INIP: variants seen among roughly 807,000 people sequenced by gnomAD.
INIP encodes INTS3 and NABP interacting protein.
In INIP, 9 loss-of-function variants were observed where a neutral mutation model predicts 14.0. The ratio of observed to expected loss-of-function variants is 0.64; its 90% CI spans 0.39 to 1.12. The LOEUF (loss-of-function observed/expected upper bound fraction) is 1.12, where lower values mean the gene tolerates loss of function less well. INIP is among the 50% of genes most tolerant of loss of function. INIP has a pLI of 0.01. For missense variants in INIP, 78 were observed against 122.7 expected (o/e 0.64, Z 1.72); for synonymous variants, 37 against 41.5 (o/e 0.89, Z 0.41).
At chr9:112,717,527 TA>T (rs58903292) in intron 1 of INIP, among the ~76,000 whole-genome samples, 3,118 of 138,144 alleles carry the variant, frequency 0.023, 92 homozygotes, top group African/African-American at 0.066. Flanking sequence ...TACTATTAAT[TA>T]AAAAAAAAAA....
At chr9:112,707,983 A>G (rs1838532345) in intron 2 of INIP, among the ~76,000 whole-genome samples, 1 of 152,246 alleles carries the variant, frequency 6.6e-6, no homozygotes, top group Non-Finnish European at 1.5e-5. Context: ...TATCACATAC[A>G]GGCACAAAGT....
intron 2 of INIP, among the ~76,000 whole-genome samples, chr9:112,706,828 T>C (rs1029489672): frequency 6.6e-6 from 1 of 152,258 alleles, no homozygotes; most frequent in East Asian, 1.9e-4. Flanking sequence ...CTGGTCTTGA[T>C]GGCCTCAAGT....
chr9:112,702,098 A>AT (rs1348163495), intron 2 of INIP, among the ~76,000 whole-genome samples: 2 of 152,154 alleles, frequency 1.3e-5, no homozygotes, highest in African/African-American at 2.4e-5. Flanking sequence ...ACACACACAC[A>AT]TAATTCTTGA....
At chr9:112,698,303 C>CAAAAAAAAAAAAA in intron 2 of INIP, among the ~76,000 whole-genome samples, 1 of 43,674 alleles carries the variant, frequency 2.3e-5, no homozygotes, top group Admixed American at 2.9e-4. Flanking sequence ...GACTCTGTCT[C>CAAAAAAAAAAAAA]AAAAAAAAAA....
At chr9:112,708,209 C>T (rs867162704) in intron 2 of INIP, among the ~76,000 whole-genome samples, 16 of 152,088 alleles carry the variant, frequency 1.1e-4, no homozygotes, top group African/African-American at 3.9e-4. Context: ...CTTGACCTAG[C>T]GTGAAAGCGG....
chr9:112,710,918 T>A (rs1838626727), intron 2 of INIP, among the ~76,000 whole-genome samples: 1 of 151,948 alleles, frequency 6.6e-6, no homozygotes, highest in Admixed American at 6.6e-5. Flanking sequence ...CACTTGTAAT[T>A]CCAATGCTTT....
chr9:112,699,431 C>A (rs1838213178), intron 2 of INIP, among the ~76,000 whole-genome samples: 1 of 152,072 alleles, frequency 6.6e-6, no homozygotes, highest in Non-Finnish European at 1.5e-5. Flanking sequence ...AACCACAGTA[C>A]AAAAATAGGC....
At chr9:112,704,143 A>C (rs1838384225) in intron 2 of INIP, among the ~76,000 whole-genome samples, 1 of 152,228 alleles carries the variant, frequency 6.6e-6, no homozygotes, top group Non-Finnish European at 1.5e-5. Flanking sequence ...TTCCAAAAAA[A>C]GTAGGTCACA....
At chr9:112,702,115 A>G (rs1838317885) in intron 2 of INIP, among the ~76,000 whole-genome samples, 1 of 152,130 alleles carries the variant, frequency 6.6e-6, no homozygotes, top group South Asian at 2.1e-4. Flanking sequence ...TTGAAAAGCA[A>G]ATTTTAAACT....
At chr9:112,703,478 G>A (rs898621162) in intron 2 of INIP, among the ~76,000 whole-genome samples, 1 of 152,104 alleles carries the variant, frequency 6.6e-6, no homozygotes, top group African/African-American at 2.4e-5. Context: ...CAGCACTTTC[G>A]GAGGCTGAAG....
intron 2 of INIP, among the ~76,000 whole-genome samples, chr9:112,716,245 G>A (rs1838811348): frequency 1.3e-5 from 2 of 151,864 alleles, no homozygotes; most frequent in African/African-American, 4.8e-5. Flanking sequence ...GCTAATTTTT[G>A]TATTTTAGTA....
At position 112,686,125 on chromosome 9, in the gene INIP, T is replaced by A. The variant is rs1035298016; in HGVS notation, c.*1413A>T. The A allele has an allele frequency of 2.0e-5, 3 of 152,126 alleles. No homozygotes were observed. Among genetic ancestry groups the A allele is most frequent in the Non-Finnish European group, 2.9e-5 (2 of 68,012 alleles). The allele number at this position is 152,126 out of a possible 1,614,324, so 9.4% of individuals were successfully genotyped here. On this transcript the variant is annotated 3_prime_UTR_variant, in exon 5 of 5. Transcript: ENST00000374242. The stretch of plus-strand genomic sequence containing the variant: ...GAGAGGATGGGACTCAAGGCCAAGA[T>A]AAGGTCAGTTACAAAAAGTTATATA...
At chr9:112,691,048 C>T (rs896834046) in intron 3 of INIP, among the ~76,000 whole-genome samples, 1 of 152,192 alleles carries the variant, frequency 6.6e-6, no homozygotes, top group Admixed American at 6.5e-5. Context: ...TGTTATATTT[C>T]TGTTACTTCC....
chr9:112,692,470 A>G (rs897838572), intron 3 of INIP, among the ~76,000 whole-genome samples: 1 of 152,006 alleles, frequency 6.6e-6, no homozygotes, highest in South Asian at 2.1e-4. Flanking sequence ...TTTTTTGTAG[A>G]GATGGGTCTT....
chr9:112,688,381 G>A (rs1406071720), intron 4 of INIP, among the ~76,000 whole-genome samples: 2 of 152,034 alleles, frequency 1.3e-5, no homozygotes, highest in Non-Finnish European at 2.9e-5. Flanking sequence ...TAGTTGGAAG[G>A]AGAGGGGGGA....
intron 3 of INIP, among the ~76,000 whole-genome samples, chr9:112,692,298 T>C (rs1258510153): frequency 6.6e-6 from 1 of 152,142 alleles, no homozygotes; most frequent in Non-Finnish European, 1.5e-5. Flanking sequence ...CTTTTTTGTT[T>C]GTTTGTTTTA....
chr9:112,695,349 C>T (rs1161604914), intron 2 of INIP, among the ~76,000 whole-genome samples: 1 of 151,248 alleles, frequency 6.6e-6, no homozygotes, highest in African/African-American at 2.4e-5. Flanking sequence ...AGCACATTTT[C>T]CAAGCAGAGC....
chr9:112,695,259 A>G (rs74513740), intron 2 of INIP, among the ~76,000 whole-genome samples: 1 of 151,032 alleles, frequency 6.6e-6, no homozygotes, highest in Non-Finnish European at 1.5e-5. Flanking sequence ...ACTACAGAAA[A>G]AAAAAAAAAA....
At chr9:112,690,187 T>G (rs1837831659) in intron 3 of INIP, among the ~76,000 whole-genome samples, 1 of 152,088 alleles carries the variant, frequency 6.6e-6, no homozygotes, top group African/African-American at 2.4e-5. Context: ...GGGAGTGACA[T>G]GATCAGAAGT....
Sources: gnomAD v4.1 joint callset for allele counts (sites outside exome capture counted in the v4.1 genomes callset) on GRCh38, gnomAD v4.1.1 for gene constraint, MANE v1.5 for transcripts, NCBI Gene and HGNC (gene_info 2026-07-23, HGNC 2026-07-21) for gene names.